The following SH3GL3 variants were observed in gnomAD, a reference collection of about 807,000 sequenced individuals.
The protein encoded by SH3GL3 is endophilin-A3.
In SH3GL3, 33 loss-of-function variants were observed where a neutral mutation model predicts 47.7. The observed-to-expected ratio is 0.69, with a 90% CI of 0.52 to 0.92. The LOEUF is 0.92. Ranked by LOEUF, SH3GL3 falls within the 40% of genes least tolerant of loss-of-function variation. The probability of loss-of-function intolerance (pLI) is 0.00; values close to 1 mark genes in which losing one functional copy is unlikely to be tolerated. For missense variants in SH3GL3, 363 were observed against 417.8 expected (o/e 0.87, Z 1.14); for synonymous variants, 155 against 148.8 (o/e 1.04, Z -0.30).
intron 8 of SH3GL3, among the ~76,000 whole-genome samples, chr15:83,603,597 G>C (rs949366392): frequency 6.6e-6 from 1 of 152,140 alleles, no homozygotes; most frequent in African/African-American, 2.4e-5. Context: ...TTTCTTTGGG[G>C]TACAGAAACA....
At chr15:83,544,005 A>T in intron 1 of SH3GL3, among the ~76,000 whole-genome samples, 1 of 150,916 alleles carries the variant, frequency 6.6e-6, no homozygotes, top group Non-Finnish European at 1.5e-5. Context: ...TTCTTTTTCA[A>T]TTTTATTTAT....
chr15:83,506,855 G>T (rs1451282231), intron 1 of SH3GL3, among the ~76,000 whole-genome samples: 2 of 151,934 alleles, frequency 1.3e-5, no homozygotes, highest in African/African-American at 4.8e-5. Context: ...AGCGATAAAG[G>T]CTCCCAAGGA....
intron 6 of SH3GL3, among the ~76,000 whole-genome samples, chr15:83,577,268 C>T (rs1486075246): frequency 2.0e-5 from 3 of 152,088 alleles, no homozygotes; most frequent in Non-Finnish European, 4.4e-5. Context: ...CAGAGCCATC[C>T]TGGGCCACAT....
At chr15:83,509,889 C>G (rs2042672887) in intron 1 of SH3GL3, among the ~76,000 whole-genome samples, 1 of 152,132 alleles carries the variant, frequency 6.6e-6, no homozygotes. Context: ...AAAATTAAAC[C>G]AAAACACTGC....
intron 1 of SH3GL3, among the ~76,000 whole-genome samples, chr15:83,525,860 A>G (rs1403791671): frequency 6.6e-6 from 1 of 152,080 alleles, no homozygotes; most frequent in African/African-American, 2.4e-5. Context: ...TGGGTTCTCT[A>G]TTCGTGTTCT....
chr15:83,460,051 TCCCTGC>T (rs2040205763), intron 1 of SH3GL3, among the ~76,000 whole-genome samples: 4 of 58,182 alleles, frequency 6.9e-5, no homozygotes, highest in Non-Finnish European at 1.0e-4. Context: ...CCTCCCTCCC[TCCCTGC>T]CTCCCTCCCT....
chr15:83,626,250 C>G, the SH3GL3 span, among the ~76,000 whole-genome samples: 1 of 152,232 alleles, frequency 6.6e-6, no homozygotes, highest in African/African-American at 2.4e-5. Flanking sequence ...CCATCTCCCA[C>G]TAACTCTATC....
At chr15:83,463,450 A>G (rs897699923) in intron 1 of SH3GL3, among the ~76,000 whole-genome samples, 1 of 152,192 alleles carries the variant, frequency 6.6e-6, no homozygotes, top group African/African-American at 2.4e-5. Flanking sequence ...CTGTGGCTTT[A>G]CTATAGCTGT....
chr15:83,545,271 C>A (rs1262209171), intron 1 of SH3GL3, among the ~76,000 whole-genome samples: 1 of 151,980 alleles, frequency 6.6e-6, no homozygotes, highest in Non-Finnish European at 1.5e-5. Flanking sequence ...CTAATTCATT[C>A]CTCTGCTTGA....
At chr15:83,624,923 C>T in the SH3GL3 span, among the ~76,000 whole-genome samples, 2 of 152,114 alleles carry the variant, frequency 1.3e-5, no homozygotes, top group African/African-American at 4.8e-5. Context: ...TTTTCATCTC[C>T]CACTCCACCT....
intron 1 of SH3GL3, among the ~76,000 whole-genome samples, chr15:83,494,382 A>T (rs1025747002): frequency 6.6e-6 from 1 of 152,124 alleles, no homozygotes; most frequent in Non-Finnish European, 1.5e-5. Flanking sequence ...CTGCACATAC[A>T]TAGGAATTGG....
chr15:83,630,428 G>A, the SH3GL3 span, among the ~76,000 whole-genome samples: 6 of 152,112 alleles, frequency 3.9e-5, no homozygotes, highest in Non-Finnish European at 7.4e-5. Context: ...ATACATATCT[G>A]TGACTGTATT....
At chr15:83,627,774 G>T in the SH3GL3 span, among the ~76,000 whole-genome samples, 3 of 152,174 alleles carry the variant, frequency 2.0e-5, no homozygotes, top group African/African-American at 7.2e-5. Flanking sequence ...GCAATATTGG[G>T]CGATAAAATA....
downstream of SH3GL3, among the ~76,000 whole-genome samples, chr15:83,623,256 C>A (rs1214506347): frequency 6.6e-6 from 1 of 152,314 alleles, no homozygotes; most frequent in East Asian, 1.9e-4. Context: ...AGCCACCCCC[C>A]AAATCAGTGA....
intron 1 of SH3GL3, among the ~76,000 whole-genome samples, chr15:83,526,549 C>G (rs554011341): frequency 2.2e-4 from 34 of 152,168 alleles, no homozygotes; most frequent in African/African-American, 7.7e-4. Context: ...TTATCGTTAA[C>G]AAAGTAACAC....
intron 1 of SH3GL3, among the ~76,000 whole-genome samples, chr15:83,530,637 AT>A (rs2043628675): frequency 6.7e-6 from 1 of 149,480 alleles, no homozygotes; most frequent in Non-Finnish European, 1.5e-5. Context: ...TAATAAGAGG[AT>A]TTTTGCCCCT....
intron 1 of SH3GL3, among the ~76,000 whole-genome samples, chr15:83,525,724 C>T (rs1427202489): frequency 6.6e-6 from 1 of 152,096 alleles, no homozygotes; most frequent in Non-Finnish European, 1.5e-5. Flanking sequence ...GATCCAATTT[C>T]ATTCTTCTGC....
chr15:83,496,959 G>A (rs1194576532), intron 1 of SH3GL3, among the ~76,000 whole-genome samples: 1 of 152,070 alleles, frequency 6.6e-6, no homozygotes, highest in Non-Finnish European at 1.5e-5. Context: ...ATCCCATGCA[G>A]GGCAGCTCCC....
intron 8 of SH3GL3, among the ~76,000 whole-genome samples, chr15:83,610,014 G>T (rs766431558): frequency 6.6e-6 from 1 of 152,230 alleles, no homozygotes; most frequent in African/African-American, 2.4e-5. Flanking sequence ...GCTGAAGAAG[G>T]CAGGACAGAG....
Sources: allele counts gnomAD v4.1 joint callset (sites outside exome capture counted in the v4.1 genomes callset), GRCh38; gene constraint gnomAD v4.1.1; transcripts MANE v1.5; gene names NCBI Gene and HGNC (gene_info 2026-07-23, HGNC 2026-07-21).